Variants in FARSB observed in about 807,000 individuals in gnomAD.
FARSB encodes phenylalanine--tRNA ligase beta subunit.
FARSB carries 40 observed loss-of-function variants against 69.6 expected under a neutral mutation model. That is an observed-to-expected ratio of 0.57 (90% confidence interval 0.45 to 0.75). FARSB has a LOEUF of 0.75. Among genes scored for constraint, FARSB ranks in the 30% least tolerant of loss-of-function variants. FARSB has a pLI of 0.00. For missense variants in FARSB, 632 were observed against 722.9 expected (o/e 0.87, Z 1.44); for synonymous variants, 235 against 247.2 (o/e 0.95, Z 0.46).
At chr2:222,607,513 T>C (rs1690733094) in intron 15 of FARSB, among the ~76,000 whole-genome samples, 1 of 152,120 alleles carries the variant, frequency 6.6e-6, no homozygotes. Context: ...GTAAAGTATA[T>C]CCCATTTGTA....
chr2:222,577,293 T>C (rs1689861488), intron 16 of FARSB, among the ~76,000 whole-genome samples: 1 of 152,044 alleles, frequency 6.6e-6, no homozygotes, highest in Admixed American at 6.5e-5. Flanking sequence ...CACCTTGCAT[T>C]TGAAGTGAAA....
chr2:222,612,715 T>C (rs1157918610), intron 15 of FARSB, among the ~76,000 whole-genome samples: 1 of 152,222 alleles, frequency 6.6e-6, no homozygotes, highest in Non-Finnish European at 1.5e-5. Flanking sequence ...CTTAAGGTAT[T>C]GCTCACCAAG....
At chr2:222,640,628 T>G (rs909496219) in intron 4 of FARSB, among the ~76,000 whole-genome samples, 1 of 152,176 alleles carries the variant, frequency 6.6e-6, no homozygotes, top group African/African-American at 2.4e-5. Flanking sequence ...TGGTGGCGTG[T>G]GCCTGTACTC....
intron 14 of FARSB, among the ~76,000 whole-genome samples, chr2:222,618,437 C>A (rs545639111): frequency 6.6e-6 from 1 of 152,172 alleles, no homozygotes; most frequent in African/African-American, 2.4e-5. Flanking sequence ...TATAACCTTC[C>A]AGTTCTAAGA....
intron 1 of FARSB, among the ~76,000 whole-genome samples, chr2:222,650,342 G>C (rs1425876155): frequency 6.6e-6 from 1 of 152,202 alleles, no homozygotes; most frequent in African/African-American, 2.4e-5. Flanking sequence ...AACATGATTA[G>C]ATCTGCATTC....
At chr2:222,623,979 CCA>C (rs1691205094) in intron 12 of FARSB, among the ~76,000 whole-genome samples, 1 of 152,258 alleles carries the variant, frequency 6.6e-6, no homozygotes, top group African/African-American at 2.4e-5. Context: ...TCCATCTCTC[CCA>C]CACACAGCTT....
chr2:222,613,600 A>T (rs1464357612), intron 15 of FARSB, among the ~76,000 whole-genome samples: 2 of 152,164 alleles, frequency 1.3e-5, no homozygotes, highest in South Asian at 4.1e-4. Flanking sequence ...GAAATGATAC[A>T]ATGTCTATGA....
intron 16 of FARSB, among the ~76,000 whole-genome samples, chr2:222,585,107 C>T (rs1274063683): frequency 6.6e-6 from 1 of 152,182 alleles, no homozygotes; most frequent in Non-Finnish European, 1.5e-5. Context: ...GGCCGACTGA[C>T]ACCTCATACA....
At chr2:222,606,663 A>G (rs1690711236) in intron 15 of FARSB, among the ~76,000 whole-genome samples, 1 of 152,254 alleles carries the variant, frequency 6.6e-6, no homozygotes, top group Non-Finnish European at 1.5e-5. Flanking sequence ...ACAGAAAAGA[A>G]AAAGGAGTGG....
In FARSB at chr2:222,624,315, T is replaced by C. The variant is rs1691212946; in HGVS notation, c.1127A>G (p.Asn376Ser). 6 of 1,612,786 alleles carry C rather than the reference T, an allele frequency of 3.7e-6. No homozygotes were observed. Among genetic ancestry groups the C allele is most frequent in the Non-Finnish European group, 5.1e-6 (6 of 1,179,322 alleles). The change falls in exon 12 of 17, where the codon AAC becomes AGC. Residue 376 changes from asparagine (N) to serine (S), a missense_variant. Transcript: ENST00000281828. ...EDAAIAYGYN[N>S]IQMTLPKTYT... ...AGTTTTCGGGAGAGTCATCTGAATG[T>C]TGTTATATCCATAAGCAATAGCTGC...
intron 15 of FARSB, among the ~76,000 whole-genome samples, chr2:222,610,271 T>C (rs1479865300): frequency 6.6e-6 from 1 of 152,164 alleles, no homozygotes; most frequent in Non-Finnish European, 1.5e-5. Context: ...TCACATCAAC[T>C]GGAAAACTAT....
chr2:222,606,001 G>A (rs1024086261), intron 15 of FARSB, among the ~76,000 whole-genome samples: 3 of 152,124 alleles, frequency 2.0e-5, no homozygotes, highest in Non-Finnish European at 2.9e-5. Context: ...GATGTTTATA[G>A]CATACACATA....
intron 16 of FARSB, among the ~76,000 whole-genome samples, chr2:222,573,928 G>A (rs954848892): frequency 7.2e-5 from 11 of 152,186 alleles, no homozygotes; most frequent in Admixed American, 7.2e-4. Flanking sequence ...GAAAGGCAAT[G>A]TTCAGGATCT....
At chr2:222,637,519 G>A (rs1314132724) in intron 5 of FARSB, among the ~76,000 whole-genome samples, 1 of 152,150 alleles carries the variant, frequency 6.6e-6, no homozygotes, top group East Asian at 1.9e-4. Context: ...CGGAATTAGA[G>A]GAAACAGTGC....
In FARSB at chr2:222,567,690, C is replaced by G. The variant is rs180853285; in HGVS notation, c.*4181G>C. The G allele has an allele frequency of 1.3e-5, 2 of 152,320 alleles. No individual in the cohort carries two copies. Among genetic ancestry groups the G allele is most frequent in the Admixed American group, 1.3e-4 (2 of 15,304 alleles). The allele number at this position is 152,320 out of a possible 1,614,324, so 9.4% of individuals were successfully genotyped here. On this transcript the variant is annotated 3_prime_UTR_variant, in exon 17 of 17. Coordinates refer to ENST00000281828, the MANE Select transcript of FARSB (RefSeq NM_005687.5). Reference sequence around the variant, plus strand: ...TAAGGTACTGGAATAATATATAGTTCAAGTACAAACGTCACATCAAAGAAA... The same window carrying G: ...TAAGGTACTGGAATAATATATAGTTGAAGTACAAACGTCACATCAAAGAAA...
At chr2:222,622,754 G>A (rs1691171967) in intron 13 of FARSB, among the ~76,000 whole-genome samples, 1 of 152,148 alleles carries the variant, frequency 6.6e-6, no homozygotes, top group African/African-American at 2.4e-5. Flanking sequence ...CTGGAACACA[G>A]CAGTTCTCCT....
chr2:222,611,829 C>T (rs1167227091), intron 15 of FARSB, among the ~76,000 whole-genome samples: 1 of 152,310 alleles, frequency 6.6e-6, no homozygotes, highest in Non-Finnish European at 1.5e-5. Flanking sequence ...CCTACAACAG[C>T]CCCAGCTTCC....
chr2:222,624,662 T>A, intron 11 of FARSB, 52 bp downstream of exon 11: 9 of 1,219,246 alleles, frequency 7.4e-6, no homozygotes, highest in African/African-American at 1.5e-5. Context: ...AAAAAAAAAA[T>A]TAGTCATACG....
intron 15 of FARSB, among the ~76,000 whole-genome samples, chr2:222,613,230 AC>A (rs1423745865): frequency 3.3e-5 from 5 of 152,348 alleles, no homozygotes; most frequent in Admixed American, 3.3e-4. Context: ...ATAAAACAAA[AC>A]TGAAGTGGTA....
Sources: gnomAD v4.1 joint callset for allele counts (sites outside exome capture counted in the v4.1 genomes callset) on GRCh38, gnomAD v4.1.1 for gene constraint, MANE v1.5 for transcripts, NCBI Gene and HGNC (gene_info 2026-07-23, HGNC 2026-07-21) for gene names.